The following C8orf34 variants were observed in gnomAD, a reference collection of about 807,000 sequenced individuals.
C8orf34 encodes the protein uncharacterized protein C8orf34.
Under a neutral mutation model 68.3 loss-of-function variants are expected in C8orf34, and 65 were observed. The observed-to-expected ratio is 0.95, with a 90% CI of 0.78 to 1.17. The LOEUF is 1.17. C8orf34 is among the 50% of genes most tolerant of loss of function. The pLI, the probability that C8orf34 is intolerant of heterozygous loss-of-function variation, is 0.00. For synonymous variants in C8orf34, 244 were observed against 241.2 expected (o/e 1.01, Z -0.11); for missense variants, 664 against 655.4 (o/e 1.01, Z -0.14).
intron 12 of C8orf34, among the ~76,000 whole-genome samples, chr8:68,796,416 A>G (rs959717712): frequency 6.6e-6 from 1 of 152,138 alleles, no homozygotes; most frequent in African/African-American, 2.4e-5. Context: ...TATTTGAGGA[A>G]TGGAAGTATG....
chr8:68,504,871 G>A (rs949469829), intron 5 of C8orf34, among the ~76,000 whole-genome samples: 7 of 151,980 alleles, frequency 4.6e-5, no homozygotes, highest in African/African-American at 1.5e-4. Context: ...TAGAGATGGT[G>A]TTTCACCATG....
chr8:68,722,311 T>C (rs1017782163), intron 10 of C8orf34, among the ~76,000 whole-genome samples: 18 of 152,052 alleles, frequency 1.2e-4, no homozygotes, highest in African/African-American at 4.1e-4. Context: ...GACTCCCTAA[T>C]AACCTCCTTT....
At chr8:68,623,653 G>T (rs1272902990) in intron 7 of C8orf34, among the ~76,000 whole-genome samples, 1 of 152,158 alleles carries the variant, frequency 6.6e-6, no homozygotes, top group Non-Finnish European at 1.5e-5. Context: ...GGAAGTTTGA[G>T]ATCAGGGTGC....
intron 7 of C8orf34, among the ~76,000 whole-genome samples, chr8:68,624,919 T>TG (rs200351793): frequency 0.021 from 3,235 of 150,500 alleles, 111 homozygotes; most frequent in African/African-American, 0.073. Flanking sequence ...GCTTTTTTTT[T>TG]TTTTGTGTAG....
chr8:68,423,435 A>G (rs1408651498), intron 1 of C8orf34, among the ~76,000 whole-genome samples: 1 of 152,192 alleles, frequency 6.6e-6, no homozygotes, highest in Non-Finnish European at 1.5e-5. Context: ...AGACCATCTC[A>G]GCCTGGACTT....
chr8:68,684,519 T>C (rs911649042), intron 8 of C8orf34, among the ~76,000 whole-genome samples: 4 of 152,164 alleles, frequency 2.6e-5, no homozygotes, highest in Non-Finnish European at 5.9e-5. Context: ...TCTCCTTTTA[T>C]CACTAATTGT....
At chr8:68,601,923 T>A (rs1817710125) in intron 7 of C8orf34, among the ~76,000 whole-genome samples, 1 of 152,130 alleles carries the variant, frequency 6.6e-6, no homozygotes, top group Non-Finnish European at 1.5e-5. Context: ...ATGTGGATGT[T>A]CCATTTCCCA....
At chr8:68,398,477 T>C (rs1808809774) in intron 1 of C8orf34, among the ~76,000 whole-genome samples, 1 of 152,094 alleles carries the variant, frequency 6.6e-6, no homozygotes, top group African/African-American at 2.4e-5. Context: ...TTTTGAAAAC[T>C]CAGTAGTGTT....
At chr8:68,498,093 G>A (rs920195264) in intron 5 of C8orf34, among the ~76,000 whole-genome samples, 9 of 152,172 alleles carry the variant, frequency 5.9e-5, no homozygotes, top group Non-Finnish European at 7.4e-5. Context: ...CTCCCAAAGT[G>A]CTGGGATTAC....
intron 8 of C8orf34, among the ~76,000 whole-genome samples, chr8:68,655,773 TG>T (rs1373014312): frequency 2.6e-5 from 4 of 152,142 alleles, no homozygotes; most frequent in Non-Finnish European, 4.4e-5. Flanking sequence ...GTTTAGGGGA[TG>T]GGGGAAACCC....
intron 4 of C8orf34, among the ~76,000 whole-genome samples, chr8:68,480,911 GAAA>G (rs2129631047): frequency 1.3e-5 from 2 of 152,278 alleles, no homozygotes; most frequent in African/African-American, 4.8e-5. Context: ...CAATAGAAAA[GAAA>G]AACCCATTTT....
At chr8:68,479,411 G>C (rs979314232) in intron 4 of C8orf34, among the ~76,000 whole-genome samples, 1 of 24,346 alleles carries the variant, frequency 4.1e-5, no homozygotes, top group Non-Finnish European at 1.0e-4. Flanking sequence ...AACAGTGAGA[G>C]AGAGAGAGAG....
intron 10 of C8orf34, among the ~76,000 whole-genome samples, chr8:68,740,454 A>C (rs1405548149): frequency 6.6e-6 from 1 of 152,156 alleles, no homozygotes; most frequent in Non-Finnish European, 1.5e-5. Context: ...TCAAAAGAAG[A>C]CCTACATGCA....
At chr8:68,507,204 G>T (rs1258613719) in intron 5 of C8orf34, among the ~76,000 whole-genome samples, 6 of 152,054 alleles carry the variant, frequency 3.9e-5, no homozygotes, top group Non-Finnish European at 7.4e-5. Context: ...TTATAAATTT[G>T]CTATCTGTTT....
intron 1 of C8orf34, among the ~76,000 whole-genome samples, chr8:68,352,879 T>C (rs1017877427): frequency 5.3e-5 from 8 of 152,116 alleles, no homozygotes; most frequent in African/African-American, 1.7e-4. Flanking sequence ...TAGCATCTTT[T>C]TGAACACAAA....
At chr8:68,728,029 G>T (rs1185191069) in intron 10 of C8orf34, among the ~76,000 whole-genome samples, 1 of 152,132 alleles carries the variant, frequency 6.6e-6, no homozygotes, top group East Asian at 1.9e-4. Context: ...CACATAGTCA[G>T]GCTGCAAAAT....
chr8:68,508,429 G>A (rs1586283998), intron 5 of C8orf34, among the ~76,000 whole-genome samples: 1 of 152,062 alleles, frequency 6.6e-6, no homozygotes, highest in East Asian at 1.9e-4. Flanking sequence ...ATATATTTTG[G>A]GCTTTTATTA....
chr8:68,557,647 C>G (rs1299614024), intron 7 of C8orf34, among the ~76,000 whole-genome samples: 1 of 152,058 alleles, frequency 6.6e-6, no homozygotes, highest in East Asian at 1.9e-4. Context: ...ATAGAACAAC[C>G]TTGTAACAAA....
intron 1 of C8orf34, among the ~76,000 whole-genome samples, chr8:68,411,370 T>C (rs2129622190): frequency 6.6e-6 from 1 of 152,294 alleles, no homozygotes; most frequent in East Asian, 1.9e-4. Flanking sequence ...AAACTAGTCA[T>C]GAAAACAAGC....
Sources: allele counts gnomAD v4.1 joint callset (sites outside exome capture counted in the v4.1 genomes callset), GRCh38; gene constraint gnomAD v4.1.1; transcripts MANE v1.5; gene names NCBI Gene and HGNC (gene_info 2026-07-23, HGNC 2026-07-21).